CDH6: variants seen among roughly 807,000 people sequenced by gnomAD.
The protein encoded by CDH6 is cadherin-6.
A neutral mutation model predicts 78.0 loss-of-function variants in CDH6; 31 were observed. The ratio of observed to expected loss-of-function variants is 0.40; its 90% CI spans 0.30 to 0.54. The LOEUF is 0.54. Ranked by LOEUF, CDH6 falls within the 20% of genes least tolerant of loss-of-function variation. CDH6 has a pLI of 0.56. For synonymous variants in CDH6, 376 were observed against 368.8 expected (o/e 1.02, Z -0.23); for missense variants, 724 against 975.9 (o/e 0.74, Z 3.44).
At chr5:31,228,616 G>A (rs1044343001) in intron 1 of CDH6, among the ~76,000 whole-genome samples, 3 of 152,222 alleles carry the variant, frequency 2.0e-5, no homozygotes, top group Non-Finnish European at 4.4e-5. Flanking sequence ...GTGAGCAGAG[G>A]ATATGGTTTC....
intron 1 of CDH6, among the ~76,000 whole-genome samples, chr5:31,264,301 C>T (rs950852121): frequency 2.0e-5 from 3 of 152,170 alleles, no homozygotes; most frequent in African/African-American, 7.2e-5. Flanking sequence ...AGAATAACAA[C>T]AATAATTAGT....
intron 7 of CDH6, among the ~76,000 whole-genome samples, chr5:31,310,662 AGGTG>A (rs1382592826): frequency 2.6e-5 from 4 of 152,332 alleles, no homozygotes; most frequent in African/African-American, 9.6e-5. Context: ...TCTGAAATCT[AGGTG>A]GGGGTTCCCA....
At chr5:31,291,186 C>T (rs920774526) in intron 2 of CDH6, among the ~76,000 whole-genome samples, 1 of 152,004 alleles carries the variant, frequency 6.6e-6, no homozygotes, top group African/African-American at 2.4e-5. Flanking sequence ...ATAGCAATTG[C>T]CCCCCGCCGC....
chr5:31,240,085 A>G (rs996416670), intron 1 of CDH6, among the ~76,000 whole-genome samples: 1 of 152,180 alleles, frequency 6.6e-6, no homozygotes, highest in Admixed American at 6.6e-5. Flanking sequence ...AATCTAGGGT[A>G]AAAAGAGAGT....
At chr5:31,311,957 T>C (rs1341325228) in intron 7 of CDH6, among the ~76,000 whole-genome samples, 1 of 152,200 alleles carries the variant, frequency 6.6e-6, no homozygotes, top group Non-Finnish European at 1.5e-5. Flanking sequence ...AATCCACTAG[T>C]CTTCCATCAG....
intron 1 of CDH6, among the ~76,000 whole-genome samples, chr5:31,228,995 G>A (rs1741240517): frequency 1.3e-5 from 2 of 152,214 alleles, no homozygotes; most frequent in African/African-American, 4.8e-5. Context: ...TATAATGATA[G>A]ACTCTTAGTA....
At position 31,305,443 on chromosome 5, in the gene CDH6, C is replaced by T. The variant is rs374146944; in HGVS notation, c.1253+16C>T. On this transcript the variant is annotated intron_variant, in intron 7 of 11. Transcript: ENST00000265071. ...ATCCTGTCAAGTAAGCACACTTCTG[C>T]GACATGTCTCTTTCATAAGCTTCAG... 5.0e-6 allele frequency: 8 copies of T among 1,600,396 alleles called. No homozygotes were observed. The highest frequency in any genetic ancestry group is 2.7e-5 in the African/African-American group (2 of 74,432).
intron 1 of CDH6, among the ~76,000 whole-genome samples, chr5:31,197,014 T>C (rs1052486535): frequency 6.7e-6 from 1 of 148,688 alleles, no homozygotes; most frequent in Non-Finnish European, 1.5e-5. Context: ...AAAAGTGCAA[T>C]GACTGTTTCA....
chr5:31,275,429 C>A (rs1212500807), intron 2 of CDH6, among the ~76,000 whole-genome samples: 1 of 152,122 alleles, frequency 6.6e-6, no homozygotes, highest in Non-Finnish European at 1.5e-5. Context: ...TGTTTAGCTC[C>A]CGCTTATAAG....
chr5:31,197,910 G>C (rs1579802712), intron 1 of CDH6, among the ~76,000 whole-genome samples: 2 of 152,106 alleles, frequency 1.3e-5, no homozygotes, highest in South Asian at 2.1e-4. Context: ...TATTCGTACA[G>C]AAGCCTCTCT....
chr5:31,319,841 G>C (rs1053824710), intron 11 of CDH6, among the ~76,000 whole-genome samples: 3 of 152,188 alleles, frequency 2.0e-5, no homozygotes, highest in Non-Finnish European at 2.9e-5. Context: ...GTCTTATGGT[G>C]CCTTAGAACT....
intron 2 of CDH6, among the ~76,000 whole-genome samples, 154 bp downstream of exon 2, chr5:31,267,855 G>A (rs116444035): frequency 5.9e-5 from 9 of 151,650 alleles, no homozygotes; most frequent in Non-Finnish European, 7.4e-5. Flanking sequence ...GAGTAGTTTC[G>A]GGAAGAAGAC....
chr5:31,265,622 A>G (rs1561049091), intron 1 of CDH6, among the ~76,000 whole-genome samples: 1 of 152,192 alleles, frequency 6.6e-6, no homozygotes, highest in Non-Finnish European at 1.5e-5. Flanking sequence ...TTTCTGATGT[A>G]GAGAAAAAAA....
rs1401914757 is a variant in CDH6 at position 31,329,134 on chromosome 5, G to C, written c.*5826G>C. ...TTTATATGATATTACTTAATAAACT[G>C]GTTTTTTTCTAACTTGCTTTTTTTT... On this transcript the variant is annotated 3_prime_UTR_variant, in exon 12 of 12. Coordinates refer to ENST00000265071, the MANE Select transcript of CDH6 (RefSeq NM_004932.4). The C allele has an allele frequency of 1.1e-5, 2 of 187,566 alleles. No individual in the cohort carries two copies. Among genetic ancestry groups the C allele is most frequent in the Non-Finnish European group, 2.2e-5 (2 of 89,306 alleles). 11.6% of individuals were successfully genotyped at this position (187,566 alleles called of 1,614,324 possible).
rs554857135 is a variant in CDH6, at chr5:31,291,239, G to A, written c.229-2723G>A. 5.4e-4 allele frequency among the ~76,000 whole-genome samples: 82 copies of A among 152,056 alleles called. 1 individual carries two copies. The highest frequency in any genetic ancestry group is 2.5e-4 in the Non-Finnish European group (17 of 67,964). On this transcript the variant is annotated intron_variant, in intron 2 of 11. Coordinates refer to ENST00000265071, the MANE Select transcript of CDH6 (RefSeq NM_004932.4). ...GCTTTTGATCACAGATTTTACCTTA[G>A]AGATACCATGTGTCTGTAAAATTGG...
intron 6 of CDH6, 66 bp downstream of exon 6, chr5:31,302,364 CA>C (rs1235825187): frequency 1.2e-5 from 14 of 1,162,190 alleles, no homozygotes; most frequent in African/African-American, 1.1e-4. Context: ...CCTAAGTTAC[CA>C]GGGGCAATTA....
chr5:31,291,829 G>A (rs1743171852), intron 2 of CDH6, among the ~76,000 whole-genome samples: 1 of 152,174 alleles, frequency 6.6e-6, no homozygotes, highest in Non-Finnish European at 1.5e-5. Flanking sequence ...ATCATGGGAT[G>A]CTCTTGTTTT....
chr5:31,268,015 G>T (rs1027488832), intron 2 of CDH6, among the ~76,000 whole-genome samples: 1 of 152,042 alleles, frequency 6.6e-6, no homozygotes. Flanking sequence ...TATAAAGTAG[G>T]GTGTATTAAA....
intron 1 of CDH6, among the ~76,000 whole-genome samples, chr5:31,199,685 G>GTGTGTATGTATA (rs796740950): frequency 3.8e-5 from 3 of 79,852 alleles, no homozygotes; most frequent in African/African-American, 1.4e-4. Flanking sequence ...GTGTGTGTGT[G>GTGTGTATGTATA]TATATATATA....
Sources: allele counts gnomAD v4.1 joint callset (sites outside exome capture counted in the v4.1 genomes callset), GRCh38; gene constraint gnomAD v4.1.1; transcripts MANE v1.5; gene names NCBI Gene and HGNC (gene_info 2026-07-23, HGNC 2026-07-21).